The following NSD1 variants were observed in gnomAD, a reference collection of about 807,000 sequenced individuals.
The protein encoded by NSD1 is nuclear receptor binding SET domain protein 1.
Under a neutral mutation model 242.7 loss-of-function variants are expected in NSD1, and 26 were observed. The observed-to-expected ratio is 0.11, with a 90% CI of 0.08 to 0.15. NSD1 has a LOEUF of 0.15. Among genes scored for constraint, NSD1 ranks in the 10% least tolerant of loss-of-function variants. The probability of loss-of-function intolerance (pLI) is 1.00; values close to 1 mark genes in which losing one functional copy is unlikely to be tolerated. For missense variants in NSD1, 2,495 were observed against 3,272.8 expected, an observed-to-expected ratio of 0.76 and a Z score of 5.80; for synonymous variants, 1,106 against 1,178.1, an observed-to-expected ratio of 0.94 and a Z score of 1.25.
intron 2 of NSD1, among the ~76,000 whole-genome samples, chr5:177,174,279 G>T (rs1248993608): frequency 6.6e-6 from 1 of 152,132 alleles, no homozygotes; most frequent in Non-Finnish European, 1.5e-5. Flanking sequence ...ACTTAAACGC[G>T]GGAGGCGGAG....
In NSD1 at chr5:177,211,069, C is replaced by T; in HGVS notation, c.2670C>T (p.Phe890=). 1 of 1,614,210 alleles carries T rather than the reference C, an allele frequency of 6.2e-7. No homozygotes were observed. The highest frequency in any genetic ancestry group is 8.5e-7 in the Non-Finnish European group (1 of 1,180,038). Residue 890 remains phenylalanine, a synonymous_variant, in exon 5 of 23, where the codon TTC becomes TTT. Transcript: ENST00000439151. Reference sequence around the variant, plus strand: ...CAAAGCCATCAAAACCATTACTTTTCTCTTCTGCTTCTAGTCAGAATCACA... The same window carrying T: ...CAAAGCCATCAAAACCATTACTTTTTTCTTCTGCTTCTAGTCAGAATCACA... The part of the protein sequence containing the change: ...GTSKPSKPLL[F]SSASSQNHIP...
intron 2 of NSD1, among the ~76,000 whole-genome samples, chr5:177,141,318 C>G (rs984897618): frequency 7.6e-6 from 1 of 132,140 alleles, no homozygotes; most frequent in Non-Finnish European, 1.6e-5. Flanking sequence ...CCGCGCGCAG[C>G]CTTTTTTTTT....
intron 17 of NSD1, among the ~76,000 whole-genome samples, chr5:177,274,523 A>G (rs1011722736): frequency 5.3e-4 from 80 of 152,310 alleles, no homozygotes; most frequent in African/African-American, 1.8e-3. Flanking sequence ...TTTATCAGAT[A>G]AGTTAGTTGC....
At chr5:177,292,310 GA>G (rs1759904287) in intron 22 of NSD1, 152 bp downstream of exon 22, 2 of 800,478 alleles carry the variant, frequency 2.5e-6, no homozygotes, top group Admixed American at 4.2e-5. Flanking sequence ...TGGAAATAAT[GA>G]AAGCAAAGGC....
At chr5:177,148,419 A>G (rs551141473) in intron 2 of NSD1, among the ~76,000 whole-genome samples, 2 of 151,424 alleles carry the variant, frequency 1.3e-5, no homozygotes, top group East Asian at 3.9e-4. Context: ...CGCCCCGCCA[A>G]TGTTCAGTTG....
chr5:177,209,589 C>G (rs1202083225), intron 4 of NSD1, 47 bp from the exon 5 acceptor site: 1 of 1,407,830 alleles, frequency 7.1e-7, no homozygotes, highest in Non-Finnish European at 1.0e-6. Context: ...TTTTCCCCCA[C>G]CCATTTCTTT....
chr5:177,169,498 A>G (rs776812566), intron 2 of NSD1: 8 of 160,160 alleles, frequency 5.0e-5, no homozygotes, highest in South Asian at 3.3e-4. Context: ...ATGGCCGGCT[A>G]CTACTCCTCA....
intron 2 of NSD1, among the ~76,000 whole-genome samples, chr5:177,143,395 C>T (rs573202586): frequency 5.9e-5 from 9 of 152,086 alleles, no homozygotes; most frequent in African/African-American, 1.9e-4. Context: ...GATCTTGGCT[C>T]ACTGCAATCT....
At chr5:177,275,642 C>A (rs557647495) in intron 17 of NSD1, among the ~76,000 whole-genome samples, 58 of 151,884 alleles carry the variant, frequency 3.8e-4, no homozygotes, top group Non-Finnish European at 6.5e-4. Context: ...ACCATGTTAG[C>A]CAGGATGGTC....
chr5:177,148,507 C>T (rs1183997110), intron 2 of NSD1, among the ~76,000 whole-genome samples: 1 of 152,192 alleles, frequency 6.6e-6, no homozygotes, highest in Non-Finnish European at 1.5e-5. Context: ...TCACTGCAAC[C>T]TCTGCCTCCC....
intron 2 of NSD1, among the ~76,000 whole-genome samples, chr5:177,168,500 C>A (rs982088513): frequency 1.3e-5 from 2 of 149,874 alleles, no homozygotes; most frequent in Non-Finnish European, 3.0e-5. Flanking sequence ...CACTTTGTCG[C>A]CCAGGCTGGA....
intron 4 of NSD1, among the ~76,000 whole-genome samples, chr5:177,206,180 A>G (rs1762856395): frequency 6.6e-6 from 1 of 152,108 alleles, no homozygotes; most frequent in Non-Finnish European, 1.5e-5. Flanking sequence ...TTGTATTTTT[A>G]GTAGAGACAG....
At chr5:177,278,552 TTTAAG>T (rs1329179460) in intron 17 of NSD1, among the ~76,000 whole-genome samples, 5 of 152,154 alleles carry the variant, frequency 3.3e-5, no homozygotes, top group Non-Finnish European at 5.9e-5. Flanking sequence ...AGAAATGACT[TTTAAG>T]TAAGTGATTT....
At chr5:177,266,291 T>A in intron 14 of NSD1, 2 of 736,370 alleles carry the variant, frequency 2.7e-6, no homozygotes, top group Non-Finnish European at 5.1e-6. Context: ...GTGGTCTAAC[T>A]TGTTGGCTTT....
intron 20 of NSD1, 155 bp from the exon 21 acceptor site, chr5:177,288,664 A>G (rs1006476221): frequency 4.8e-6 from 3 of 621,142 alleles, no homozygotes; most frequent in African/African-American, 1.9e-5. Context: ...CTGATTATTA[A>G]TGTTATAAGA....
intron 2 of NSD1, among the ~76,000 whole-genome samples, chr5:177,153,003 C>CT (rs1281946933): frequency 6.6e-6 from 1 of 151,914 alleles, no homozygotes; most frequent in Non-Finnish European, 1.5e-5. Flanking sequence ...TATATTTATT[C>CT]TTTTTTCCTT....
intron 2 of NSD1, among the ~76,000 whole-genome samples, chr5:177,172,734 G>T (rs1002284670): frequency 6.6e-6 from 1 of 152,072 alleles, no homozygotes; most frequent in African/African-American, 2.4e-5. Flanking sequence ...TGAGGTGGGA[G>T]GATGGCTTGG....
rs1348717060 is a variant in NSD1, at chr5:177,294,061, G to A, written c.6693G>A (p.Gly2231=). 1 of 1,614,028 alleles carries A rather than the reference G, an allele frequency of 6.2e-7. No homozygotes were observed. Among genetic ancestry groups the A allele is most frequent in the Non-Finnish European group, 8.5e-7 (1 of 1,180,028 alleles). ...YVPPPVPLPP[G]PSTHLAEQST... is the part of the protein sequence containing the mutation. ...CTCCCCCAGTACCGCTGCCTCCAGG[G>A]CCAAGCACTCACCTGGCAGAGCAAT... The change falls in exon 23 of 23, where the codon GGG becomes GGA. Residue 2231 remains glycine, a synonymous_variant. Transcript: ENST00000439151.
chr5:177,292,185 C>T (rs781193542), intron 22 of NSD1, 27 bp downstream of exon 22: 11 of 1,607,094 alleles, frequency 6.8e-6, no homozygotes, highest in Middle Eastern at 1.9e-4. Flanking sequence ...ATTTGTACCG[C>T]TACTCGTTCT....
Sources: gnomAD v4.1 joint callset for allele counts (sites outside exome capture counted in the v4.1 genomes callset) on GRCh38, gnomAD v4.1.1 for gene constraint, MANE v1.5 for transcripts, NCBI Gene and HGNC (gene_info 2026-07-23, HGNC 2026-07-21) for gene names.